The following RGS7 variants were observed in gnomAD, a reference collection of about 807,000 sequenced individuals.
The protein encoded by RGS7 is regulator of G protein signaling 7.
Under a neutral mutation model 81.1 loss-of-function variants are expected in RGS7, and 27 were observed. That is an observed-to-expected ratio of 0.33 (90% CI 0.25 to 0.46). RGS7 has a LOEUF of 0.46. RGS7 is among the 20% of genes least tolerant of loss of function. RGS7 has a pLI of 1.00. For missense variants in RGS7, 396 were observed against 607.4 expected, an observed-to-expected ratio of 0.65 and a Z score of 3.66; for synonymous variants, 208 against 207.7, an observed-to-expected ratio of 1.00 and a Z score of -0.01.
intron 2 of RGS7, among the ~76,000 whole-genome samples, chr1:241,113,481 T>C (rs543314542): frequency 1.3e-5 from 2 of 152,310 alleles, no homozygotes; most frequent in South Asian, 2.1e-4. Flanking sequence ...TTACTTTCTA[T>C]AGCTGGAATA....
intron 2 of RGS7, among the ~76,000 whole-genome samples, chr1:241,348,385 T>C (rs138267515): frequency 6.6e-6 from 1 of 152,266 alleles, no homozygotes; most frequent in Non-Finnish European, 1.5e-5. Flanking sequence ...AAAAAGCATC[T>C]AATCTATTTA....
intron 3 of RGS7, among the ~76,000 whole-genome samples, chr1:241,023,776 A>T (rs1342707872): frequency 6.6e-6 from 1 of 151,740 alleles, no homozygotes; most frequent in Non-Finnish European, 1.5e-5. Flanking sequence ...ATGTAGTTTC[A>T]CTCTTGTTGC....
At chr1:241,152,919 CCT>C (rs2068857486) in intron 2 of RGS7, among the ~76,000 whole-genome samples, 1 of 152,148 alleles carries the variant, frequency 6.6e-6, no homozygotes, top group Non-Finnish European at 1.5e-5. Flanking sequence ...GTTAACCTCC[CCT>C]GACTGATACA....
At chr1:240,966,013 C>T (rs1178865561) in intron 4 of RGS7, among the ~76,000 whole-genome samples, 1 of 152,048 alleles carries the variant, frequency 6.6e-6, no homozygotes, top group East Asian at 1.9e-4. Context: ...AATAGCTCTT[C>T]GTCGTATACC....
chr1:241,077,605 T>C (rs984882727), intron 3 of RGS7, among the ~76,000 whole-genome samples: 2 of 152,162 alleles, frequency 1.3e-5, no homozygotes, highest in African/African-American at 2.4e-5. Flanking sequence ...GGACCAGCGA[T>C]AGTCACACTT....
intron 3 of RGS7, among the ~76,000 whole-genome samples, chr1:241,069,061 G>T (rs1238488886): frequency 6.6e-6 from 1 of 152,134 alleles, no homozygotes; most frequent in Non-Finnish European, 1.5e-5. Context: ...AGAAGCAGAT[G>T]CCTCCATGCT....
At chr1:240,984,142 A>G (rs1387655388) in intron 3 of RGS7, among the ~76,000 whole-genome samples, 1 of 152,228 alleles carries the variant, frequency 6.6e-6, no homozygotes, top group Non-Finnish European at 1.5e-5. Flanking sequence ...CAGTATATTC[A>G]GCAGGTCTTG....
chr1:240,892,297 G>T lies in RGS7; in HGVS notation c.386-22178C>A, dbSNP rs1668405425. 3.3e-5 allele frequency among the ~76,000 whole-genome samples: 5 copies of T among 152,166 alleles called. No homozygotes were observed. In the South Asian group the frequency reaches 8.3e-4, roughly 25 times the overall value. On this transcript the variant is annotated intron_variant, in intron 6 of 18. Transcript: ENST00000440928. ...ATTGCTTTCATCATCTGGAAATTTT[G>T]ATGTATTTTTGACATCTTACAATTA...
chr1:240,801,914 T>C (rs1688084714), intron 16 of RGS7, among the ~76,000 whole-genome samples: 2 of 152,194 alleles, frequency 1.3e-5, no homozygotes, highest in African/African-American at 2.4e-5. Context: ...AGAGCATTAA[T>C]GTCTAATAGA....
At chr1:240,905,684 T>A (rs1670706237) in intron 6 of RGS7, among the ~76,000 whole-genome samples, 1 of 151,768 alleles carries the variant, frequency 6.6e-6, no homozygotes, top group Non-Finnish European at 1.5e-5. Context: ...AGCGTTGGAG[T>A]GTGGAGTTCA....
At chr1:240,917,419 T>C (rs1038836034) in intron 6 of RGS7, among the ~76,000 whole-genome samples, 1 of 152,082 alleles carries the variant, frequency 6.6e-6, no homozygotes, top group Non-Finnish European at 1.5e-5. Context: ...CCAGCAACAA[T>C]GCAATTGGTG....
chr1:241,049,292 A>G (rs529899527), intron 3 of RGS7, among the ~76,000 whole-genome samples: 18 of 152,208 alleles, frequency 1.2e-4, no homozygotes, highest in Non-Finnish European at 2.4e-4. Context: ...TCAACTGGAC[A>G]TTACTGGTGT....
At chr1:241,124,993 A>C (rs1415058175) in intron 2 of RGS7, among the ~76,000 whole-genome samples, 1 of 152,220 alleles carries the variant, frequency 6.6e-6, no homozygotes, top group Non-Finnish European at 1.5e-5. Flanking sequence ...CATTAGGCAG[A>C]AAATACTACT....
intron 2 of RGS7, among the ~76,000 whole-genome samples, chr1:241,205,244 AT>A (rs113696057): frequency 0.014 from 1,969 of 136,512 alleles, 36 homozygotes; most frequent in African/African-American, 0.042. Context: ...CGCCCAGCTA[AT>A]TTTTTTTTTT....
At chr1:241,175,461 T>TA (rs955959084) in intron 2 of RGS7, among the ~76,000 whole-genome samples, 7 of 152,232 alleles carry the variant, frequency 4.6e-5, no homozygotes, top group African/African-American at 1.7e-4. Flanking sequence ...ACTCCACACA[T>TA]ACAGAAGAGG....
intron 2 of RGS7, among the ~76,000 whole-genome samples, chr1:241,210,444 G>A (rs77867012): frequency 0.019 from 2,842 of 152,178 alleles, 54 homozygotes; most frequent in East Asian, 0.058. Context: ...CACCACGCCC[G>A]GCTCCAGGAA....
chr1:240,996,735 T>C (rs1687348550), intron 3 of RGS7, among the ~76,000 whole-genome samples: 1 of 152,214 alleles, frequency 6.6e-6, no homozygotes, highest in South Asian at 2.1e-4. Flanking sequence ...AGTTGAGCCA[T>C]GATTTTATCC....
intron 2 of RGS7, among the ~76,000 whole-genome samples, chr1:241,212,823 TC>T (rs2074323536): frequency 6.6e-6 from 1 of 152,166 alleles, no homozygotes; most frequent in Admixed American, 6.5e-5. Flanking sequence ...AGCTTTGTGT[TC>T]CAGATCACAG....
chr1:240,934,306 T>A (rs1676219589), intron 5 of RGS7, among the ~76,000 whole-genome samples: 1 of 152,230 alleles, frequency 6.6e-6, no homozygotes, highest in Admixed American at 6.5e-5. Flanking sequence ...CTGGAGGATT[T>A]GTAAACACGG....
Sources: gnomAD v4.1 joint callset for allele counts (sites outside exome capture counted in the v4.1 genomes callset) on GRCh38, gnomAD v4.1.1 for gene constraint, MANE v1.5 for transcripts, NCBI Gene and HGNC (gene_info 2026-07-23, HGNC 2026-07-21) for gene names.